FRMD6: variants seen among roughly 807,000 people sequenced by gnomAD.
FRMD6 encodes the protein FERM domain containing 6.
A neutral mutation model predicts 73.2 loss-of-function variants in FRMD6; 37 were observed. The observed-to-expected ratio is 0.51, with a 90% CI of 0.39 to 0.66. The LOEUF is 0.66. Ranked by LOEUF, FRMD6 falls within the 30% of genes least tolerant of loss-of-function variation. FRMD6 has a pLI of 0.00. For missense variants in FRMD6, 714 were observed against 780.5 expected, an observed-to-expected ratio of 0.91 and a Z score of 1.02; for synonymous variants, 273 against 282.2, an observed-to-expected ratio of 0.97 and a Z score of 0.33.
At chr14:51,470,987 T>G in the FRMD6 span, among the ~76,000 whole-genome samples, 1 of 152,252 alleles carries the variant, frequency 6.6e-6, no homozygotes, top group Non-Finnish European at 1.5e-5. Flanking sequence ...GTTTGTTCCA[T>G]AAATGCCAGT....
chr14:51,480,704 T>G, the FRMD6 span, among the ~76,000 whole-genome samples: 1 of 152,184 alleles, frequency 6.6e-6, no homozygotes, highest in Non-Finnish European at 1.5e-5. Flanking sequence ...CCTGAGCCTG[T>G]CTATACTTTA....
At chr14:51,493,638 T>G (rs1034677168) in intron 1 of FRMD6, among the ~76,000 whole-genome samples, 11 of 152,214 alleles carry the variant, frequency 7.2e-5, no homozygotes, top group African/African-American at 2.7e-4. Flanking sequence ...AGCTGTGTCT[T>G]TATTAGCAGT....
At chr14:51,685,582 A>T (rs111227220) in intron 1 of FRMD6, among the ~76,000 whole-genome samples, 1 of 152,230 alleles carries the variant, frequency 6.6e-6, no homozygotes, top group Non-Finnish European at 1.5e-5. Flanking sequence ...ATAGGATACT[A>T]TACATTAAAG....
intron 1 of FRMD6, among the ~76,000 whole-genome samples, chr14:51,552,886 G>A (rs575610916): frequency 3.9e-5 from 6 of 152,118 alleles, no homozygotes; most frequent in African/African-American, 9.7e-5. Flanking sequence ...GGTGCGACAC[G>A]TTGCTCTCAT....
chr14:51,411,859 G>A, the FRMD6 span, among the ~76,000 whole-genome samples: 3 of 152,124 alleles, frequency 2.0e-5, no homozygotes, highest in African/African-American at 7.2e-5. Flanking sequence ...TGGAATATGA[G>A]GTTTCCTTTG....
intron 1 of FRMD6, among the ~76,000 whole-genome samples, chr14:51,529,338 A>G (rs1226378216): frequency 9.9e-5 from 15 of 152,232 alleles, no homozygotes; most frequent in Admixed American, 9.8e-4. Flanking sequence ...ATGCCTATCT[A>G]CTTTTCAGGA....
Position 51,729,774 on chromosome 14 carries a change from C to G in FRMD6, c.*1745C>G, listed in dbSNP as rs1050321683. Reference sequence around the variant, plus strand: ...CCCTGTCTGTGCTGTCCCTCCTGTGCTGGGTCGCGGATGTGTAGGCAACAT... The same window carrying G: ...CCCTGTCTGTGCTGTCCCTCCTGTGGTGGGTCGCGGATGTGTAGGCAACAT... On this transcript the variant is annotated 3_prime_UTR_variant, in exon 14 of 14. Coordinates refer to ENST00000344768, the MANE Select transcript of FRMD6 (RefSeq NM_001267046.2). The G allele has an allele frequency of 6.6e-6, 1 of 152,632 alleles. No individual in the cohort carries two copies. The highest frequency in any genetic ancestry group is 2.4e-5 in the African/African-American group (1 of 41,448). 9.5% of individuals were successfully genotyped at this position (152,632 alleles called of 1,614,324 possible).
intron 1 of FRMD6, among the ~76,000 whole-genome samples, chr14:51,508,880 G>A (rs946691548): frequency 1.9e-4 from 29 of 151,868 alleles, no homozygotes; most frequent in African/African-American, 5.6e-4. Context: ...TTCTTCAAAC[G>A]CTGGTCTTTT....
At chr14:51,679,686 A>G (rs747210888) in intron 1 of FRMD6, among the ~76,000 whole-genome samples, 1 of 151,798 alleles carries the variant, frequency 6.6e-6, no homozygotes, top group Non-Finnish European at 1.5e-5. Context: ...GTGGGAAAAT[A>G]TGCCATTTCT....
the FRMD6 span, among the ~76,000 whole-genome samples, chr14:51,447,401 A>T: frequency 6.6e-6 from 1 of 152,132 alleles, no homozygotes; most frequent in African/African-American, 2.4e-5. Context: ...GTGTTCTTCT[A>T]TACAGTCCAG....
chr14:51,556,232 A>G (rs1887121989), intron 1 of FRMD6, among the ~76,000 whole-genome samples: 2 of 152,260 alleles, frequency 1.3e-5, no homozygotes, highest in African/African-American at 4.8e-5. Context: ...CTTTCTACCC[A>G]CAGACATCAA....
the FRMD6 span, among the ~76,000 whole-genome samples, chr14:51,465,621 G>T: frequency 9.6e-4 from 146 of 152,322 alleles, no homozygotes; most frequent in African/African-American, 3.3e-3. Context: ...CCATGGTGTT[G>T]CATGTATCAA....
At chr14:51,610,174 G>T (rs892219967) in intron 2 of FRMD6, among the ~76,000 whole-genome samples, 24 of 152,086 alleles carry the variant, frequency 1.6e-4, no homozygotes, top group African/African-American at 5.6e-4. Flanking sequence ...TCCCAGGGCA[G>T]CCCTCGGCCA....
chr14:51,440,827 A>G, the FRMD6 span, among the ~76,000 whole-genome samples: 7 of 152,234 alleles, frequency 4.6e-5, no homozygotes, highest in African/African-American at 1.7e-4. Flanking sequence ...TAACAACTCA[A>G]TCAAGAAGCT....
chr14:51,475,224 C>A, the FRMD6 span, among the ~76,000 whole-genome samples: 1 of 152,134 alleles, frequency 6.6e-6, no homozygotes, highest in Non-Finnish European at 1.5e-5. Context: ...GAGACTATGC[C>A]ATTTATTTGG....
At chr14:51,561,291 C>G (rs1481572194) in intron 1 of FRMD6, among the ~76,000 whole-genome samples, 3 of 152,180 alleles carry the variant, frequency 2.0e-5, no homozygotes, top group Admixed American at 2.0e-4. Flanking sequence ...CTTGTGGCCT[C>G]TAACCCTAAC....
intron 1 of FRMD6, among the ~76,000 whole-genome samples, chr14:51,513,706 A>G (rs1884455034): frequency 6.6e-6 from 1 of 151,982 alleles, no homozygotes; most frequent in Non-Finnish European, 1.5e-5. Context: ...GGGTGCCAAT[A>G]AGTTAAGACA....
chr14:51,647,707 G>A (rs1228217380), upstream of FRMD6, among the ~76,000 whole-genome samples: 1 of 152,026 alleles, frequency 6.6e-6, no homozygotes, highest in Non-Finnish European at 1.5e-5. Flanking sequence ...TTTAATTCTG[G>A]AAAAGTATTC....
intron 3 of FRMD6, among the ~76,000 whole-genome samples, chr14:51,700,344 A>C (rs1896226402): frequency 6.6e-6 from 1 of 152,054 alleles, no homozygotes; most frequent in Non-Finnish European, 1.5e-5. Flanking sequence ...TGTTTAGATC[A>C]CTTTAACATA....
Sources: gnomAD v4.1 joint callset for allele counts (sites outside exome capture counted in the v4.1 genomes callset) on GRCh38, gnomAD v4.1.1 for gene constraint, MANE v1.5 for transcripts, NCBI Gene and HGNC (gene_info 2026-07-23, HGNC 2026-07-21) for gene names.